TRMT11: variants seen among roughly 807,000 people sequenced by gnomAD.
TRMT11 encodes the protein tRNA (guanine(10)-N(2))-methyltransferase TRMT11.
A neutral mutation model predicts 62.8 loss-of-function variants in TRMT11; 53 were observed. The ratio of observed to expected loss-of-function variants is 0.84; its 90% CI spans 0.68 to 1.06. The LOEUF (loss-of-function observed/expected upper bound fraction) is 1.06, where lower values mean the gene tolerates loss of function less well. Among genes scored for constraint, TRMT11 ranks in the 50% least tolerant of loss-of-function variants. The pLI, the probability that TRMT11 is intolerant of heterozygous loss-of-function variation, is 0.00. For missense variants in TRMT11, 556 were observed against 553.4 expected, an observed-to-expected ratio of 1.00 and a Z score of -0.05; for synonymous variants, 188 against 190.3, an observed-to-expected ratio of 0.99 and a Z score of 0.10.
intron 9 of TRMT11, among the ~76,000 whole-genome samples, chr6:126,011,665 T>G (rs1283814698): frequency 2.0e-5 from 3 of 152,192 alleles, no homozygotes; most frequent in African/African-American, 7.2e-5. Context: ...CCTTTTATAT[T>G]AACTTGTCAC....
intron 7 of TRMT11, among the ~76,000 whole-genome samples, chr6:126,003,855 C>CT: frequency 2.6e-5 from 4 of 152,076 alleles, no homozygotes; most frequent in Admixed American, 2.6e-4. Flanking sequence ...GACTTTGCTA[C>CT]TAATTGATTT....
intron 21 of TRMT11, among the ~76,000 whole-genome samples, chr6:126,124,502 G>A (rs564324187): frequency 6.6e-6 from 1 of 152,120 alleles, no homozygotes; most frequent in African/African-American, 2.4e-5. Context: ...GAATAGGTGG[G>A]GTCTTTTTAT....
chr6:126,044,825 C>T (rs1308626608), intron 16 of TRMT11, among the ~76,000 whole-genome samples: 1 of 152,144 alleles, frequency 6.6e-6, no homozygotes, highest in Admixed American at 6.5e-5. Flanking sequence ...TAAGTGCAGG[C>T]ACCCATCTGG....
chr6:126,203,487 A>G (rs1778759269), downstream of TRMT11, among the ~76,000 whole-genome samples: 1 of 152,338 alleles, frequency 6.6e-6, no homozygotes, highest in Admixed American at 6.5e-5. Context: ...CCTGGTCACC[A>G]GCAGATTGAG....
chr6:126,160,498 G>T (rs1562337214), intron 21 of TRMT11, among the ~76,000 whole-genome samples: 1 of 152,086 alleles, frequency 6.6e-6, no homozygotes, highest in Non-Finnish European at 1.5e-5. Context: ...TGATTCTGGA[G>T]AGGTAAGAAG....
rs201300742 is a variant in TRMT11, at chr6:126,118,140, A to G, written c.*1823+2285A>G. Among the ~76,000 whole-genome samples, 9 of 152,082 alleles carry G rather than the reference A, an allele frequency of 5.9e-5. No individual in the cohort carries two copies. The East Asian group carries it at 1.7e-3, about 29-fold the overall frequency. On this transcript the variant is annotated intron_variant and NMD_transcript_variant, in intron 21 of 22. Coordinates refer to the TRMT11 transcript ENST00000648977. ...TCAGGCCCCAGTTAAGTTCATCCCA[A>G]TTAAAAATAGAACCCTGAGATGCAG... is the stretch of plus-strand genomic sequence containing the variant.
intron 21 of TRMT11, among the ~76,000 whole-genome samples, chr6:126,137,713 A>C (rs1256458769): frequency 6.6e-6 from 1 of 151,974 alleles, no homozygotes; most frequent in African/African-American, 2.4e-5. Flanking sequence ...ATATGGAATC[A>C]ACCTAAGTGT....
At chr6:126,179,330 C>T (rs150509865) in intron 1 of TRMT11, among the ~76,000 whole-genome samples, 37 of 152,250 alleles carry the variant, frequency 2.4e-4, no homozygotes, top group African/African-American at 8.7e-4. Context: ...TATGTGGGTT[C>T]AGATCTTTAA....
chr6:126,061,417 T>C (rs145673689), intron 17 of TRMT11, among the ~76,000 whole-genome samples: 5 of 152,224 alleles, frequency 3.3e-5, no homozygotes, highest in Non-Finnish European at 5.9e-5. Flanking sequence ...TTATTTAAAG[T>C]AAAATGGCCT....
rs930485764 is a variant in TRMT11 at position 126,039,049 on chromosome 6, G to A, written c.*213G>A. On this transcript the variant is annotated 3_prime_UTR_variant, in exon 13 of 13. Coordinates refer to ENST00000334379, the MANE Select transcript of TRMT11 (RefSeq NM_001031712.3). ...TACAGTCTTTATAATCTTATTTAATGTATATTTGTACTTTCAAGTACTGAT... is the reference window on the plus strand; with the variant it reads ...TACAGTCTTTATAATCTTATTTAATATATATTTGTACTTTCAAGTACTGAT... 1 of 386,616 alleles carries A rather than the reference G, an allele frequency of 2.6e-6. No homozygotes were observed. Among genetic ancestry groups the A allele is most frequent in the African/African-American group, 2.1e-5 (1 of 47,334 alleles). 23.9% of individuals were successfully genotyped at this position (386,616 alleles called of 1,614,324 possible). A position where few individuals can be genotyped will look rare whatever the true frequency, so the allele number is the denominator to read the frequency against.
chr6:126,010,565 A>G (rs1177996396), intron 8 of TRMT11, among the ~76,000 whole-genome samples: 1 of 152,176 alleles, frequency 6.6e-6, no homozygotes. Flanking sequence ...CAAAGTCTGT[A>G]TATTCTGGCC....
In TRMT11 at chr6:126,091,534, G is replaced by A. The variant is rs372254405; in HGVS notation, c.*1438-21332G>A. Among the ~76,000 whole-genome samples, 5 of 152,246 alleles carry A rather than the reference G, an allele frequency of 3.3e-5. No individual in the cohort carries two copies. In the East Asian group the frequency reaches 5.8e-4, roughly 18 times the overall value. On this transcript the variant is annotated intron_variant and NMD_transcript_variant, in intron 17 of 22. Coordinates refer to the TRMT11 transcript ENST00000648977. ...ACCTGTTCTGGTTGTGTTGGGGGAG[G>A]TGGCTGCCCCATTTGCGAATCACTC... is the stretch of plus-strand genomic sequence containing the variant.
At chr6:126,239,082 A>C in the TRMT11 span, among the ~76,000 whole-genome samples, 7 of 151,756 alleles carry the variant, frequency 4.6e-5, no homozygotes, top group African/African-American at 1.7e-4. Flanking sequence ...TCCTCCATCC[A>C]TTTATTTTGA....
intron 12 of TRMT11, among the ~76,000 whole-genome samples, chr6:126,024,913 A>G (rs1164538425): frequency 1.3e-5 from 2 of 152,242 alleles, no homozygotes; most frequent in Non-Finnish European, 2.9e-5. Flanking sequence ...AGTTAGTAAT[A>G]TAATAGTAAC....
chr6:126,025,096 A>T (rs963047065), intron 12 of TRMT11, among the ~76,000 whole-genome samples: 11 of 152,070 alleles, frequency 7.2e-5, no homozygotes, highest in African/African-American at 2.7e-4. Flanking sequence ...AGCTGTGGAG[A>T]CTCTTTAATA....
At chr6:126,150,924 A>AT (rs899746635) in intron 21 of TRMT11, among the ~76,000 whole-genome samples, 5 of 151,608 alleles carry the variant, frequency 3.3e-5, no homozygotes, top group Admixed American at 2.0e-4. Context: ...TTGTAGATCC[A>AT]TTTTTTTTCC....
At chr6:126,198,169 C>T (rs1320332787) in intron 1 of TRMT11, among the ~76,000 whole-genome samples, 1 of 152,034 alleles carries the variant, frequency 6.6e-6, no homozygotes. Context: ...TACTGACAAG[C>T]CTGATGGGTT....
At chr6:126,026,933 G>A (rs903340295) in intron 12 of TRMT11, among the ~76,000 whole-genome samples, 1 of 150,940 alleles carries the variant, frequency 6.6e-6, no homozygotes, top group African/African-American at 2.4e-5. Flanking sequence ...CTCCCAAGTA[G>A]CTGGGACTAC....
the TRMT11 span, among the ~76,000 whole-genome samples, chr6:126,210,689 G>T: frequency 6.6e-6 from 1 of 152,088 alleles, no homozygotes; most frequent in East Asian, 1.9e-4. Context: ...TTTTCTCTTG[G>T]CTGTCTTAAA....
Sources: allele counts gnomAD v4.1 joint callset (sites outside exome capture counted in the v4.1 genomes callset), GRCh38; gene constraint gnomAD v4.1.1; transcripts MANE v1.5; gene names NCBI Gene and HGNC (gene_info 2026-07-23, HGNC 2026-07-21).